The following EPHA6 variants were observed in gnomAD, a reference collection of about 807,000 sequenced individuals.
EPHA6 encodes the protein EPH receptor A6, also known as ephrin type-A receptor 6.
A neutral mutation model predicts 112.0 loss-of-function variants in EPHA6; 50 were observed. The ratio of observed to expected loss-of-function variants is 0.45; its 90% confidence interval spans 0.36 to 0.56. EPHA6 has a LOEUF of 0.56. EPHA6 is among the 20% of genes least tolerant of loss of function. EPHA6 has a pLI of 0.00. For synonymous variants in EPHA6, 529 were observed against 490.7 expected (o/e 1.08, Z -1.03); for missense variants, 1,280 against 1,417.4 (o/e 0.90, Z 1.56).
Position 97,244,095 on chromosome 3 carries a change from C to T in EPHA6, c.1414C>T (p.Gln472Ter). Residue 472 changes from glutamine (Q) to a stop codon, truncating the protein, a stop_gained, in exon 5 of 18, where the codon CAG becomes TAG. Coordinates refer to ENST00000389672, the MANE Select transcript of EPHA6 (RefSeq NM_001080448.3). LOFTEE classifies it high-confidence loss of function. Reference sequence around the variant, plus strand: ...TAAGAAATGTGGCTTAGACACCAGCCAGTGTGAGGACTGTGGTGGAGGACT... The same window carrying T: ...TAAGAAATGTGGCTTAGACACCAGCTAGTGTGAGGACTGTGGTGGAGGACT... Reference protein sequence around the residue: ...ICKKCGLDTSQCEDCGGGLRF... With the variant: ...ICKKCGLDTS 1 of 1,612,948 alleles carries T rather than the reference C, an allele frequency of 6.2e-7. No individual in the cohort carries two copies. The highest frequency in any genetic ancestry group is 8.5e-7 in the Non-Finnish European group (1 of 1,179,300).
intron 6 of EPHA6, among the ~76,000 whole-genome samples, chr3:97,409,989 G>T (rs930867436): frequency 6.6e-6 from 1 of 151,978 alleles, no homozygotes; most frequent in Non-Finnish European, 1.5e-5. Context: ...AAATAATGTT[G>T]TGACACTGAG....
intron 3 of EPHA6, among the ~76,000 whole-genome samples, chr3:97,206,291 A>G (rs1188681766): frequency 2.0e-5 from 3 of 151,998 alleles, no homozygotes; most frequent in African/African-American, 4.8e-5. Flanking sequence ...TAAATTTGGT[A>G]TACTGTCAAC....
At chr3:97,299,224 T>TGTGTGTGTGTGTGTAGTGGGGA (rs1278354367) in intron 5 of EPHA6, among the ~76,000 whole-genome samples, 5 of 150,996 alleles carry the variant, frequency 3.3e-5, no homozygotes, top group African/African-American at 1.2e-4. Context: ...GGGGGGAGTG[T>TGTGTGTGTGTGTGTAGTGGGGA]GTGTGTGTGT....
chr3:97,606,026 G>A (rs1382103845), intron 12 of EPHA6: 1 of 151,312 alleles, frequency 6.6e-6, no homozygotes, highest in African/African-American at 2.4e-5. Context: ...TAGAAATTAA[G>A]GTAAAGAAGA....
intron 2 of EPHA6, among the ~76,000 whole-genome samples, chr3:96,965,401 C>A (rs1301231883): frequency 6.6e-6 from 1 of 152,040 alleles, no homozygotes; most frequent in Non-Finnish European, 1.5e-5. Flanking sequence ...TACTCTAGTG[C>A]TGTTTCAGTA....
At chr3:97,276,906 G>C (rs374994297) in intron 5 of EPHA6, among the ~76,000 whole-genome samples, 2 of 152,144 alleles carry the variant, frequency 1.3e-5, no homozygotes, top group Non-Finnish European at 2.9e-5. Context: ...CTGGGCAGGT[G>C]GGGGAGGGCT....
chr3:97,271,876 G>A (rs1038206158), intron 5 of EPHA6, among the ~76,000 whole-genome samples: 1 of 152,074 alleles, frequency 6.6e-6, no homozygotes, highest in Non-Finnish European at 1.5e-5. Context: ...GATTACTACA[G>A]TTTAAACAAA....
At chr3:97,626,451 G>A (rs1427873737) in intron 13 of EPHA6, among the ~76,000 whole-genome samples, 1 of 151,776 alleles carries the variant, frequency 6.6e-6, no homozygotes, top group Admixed American at 6.6e-5. Flanking sequence ...ATGGTTTGTA[G>A]AGCATGTACA....
chr3:97,471,033 G>C (rs1196127355), intron 7 of EPHA6, among the ~76,000 whole-genome samples: 1 of 151,660 alleles, frequency 6.6e-6, no homozygotes, highest in African/African-American at 2.4e-5. Flanking sequence ...TTCTGCTCAG[G>C]ATTGAAAAAA....
chr3:96,915,462 A>T (rs201507179), intron 2 of EPHA6, among the ~76,000 whole-genome samples: 1 of 152,138 alleles, frequency 6.6e-6, no homozygotes, highest in East Asian at 1.9e-4. Flanking sequence ...GATGAGCAGA[A>T]TAAATTCAAG....
At chr3:96,931,612 T>C (rs1303419220) in intron 2 of EPHA6, among the ~76,000 whole-genome samples, 1 of 152,246 alleles carries the variant, frequency 6.6e-6, no homozygotes, top group Non-Finnish European at 1.5e-5. Flanking sequence ...TCATCCAGAC[T>C]GTTTGCACTC....
At chr3:97,148,906 G>A (rs757556839) in intron 3 of EPHA6, among the ~76,000 whole-genome samples, 23 of 152,140 alleles carry the variant, frequency 1.5e-4, no homozygotes, top group Middle Eastern at 3.4e-3. Context: ...TTTCATTAAT[G>A]TTTTGCTGGA....
intron 10 of EPHA6, among the ~76,000 whole-genome samples, chr3:97,526,633 C>T (rs1489897688): frequency 6.6e-6 from 1 of 151,472 alleles, no homozygotes; most frequent in Non-Finnish European, 1.5e-5. Flanking sequence ...TCTAGCAGTT[C>T]CTTGCATGGT....
intron 12 of EPHA6, among the ~76,000 whole-genome samples, chr3:97,609,394 A>G (rs2093701681): frequency 6.6e-6 from 1 of 151,428 alleles, no homozygotes; most frequent in East Asian, 1.9e-4. Flanking sequence ...TAAGGTTTAA[A>G]ACCTGAATTT....
intron 2 of EPHA6, among the ~76,000 whole-genome samples, chr3:96,896,468 G>A (rs2038276044): frequency 6.6e-6 from 1 of 152,084 alleles, no homozygotes; most frequent in South Asian, 2.1e-4. Context: ...AAAAAGTCTG[G>A]ATTCAAGCAG....
chr3:97,044,024 A>G (rs141156679), intron 3 of EPHA6, among the ~76,000 whole-genome samples: 3 of 152,260 alleles, frequency 2.0e-5, no homozygotes, highest in African/African-American at 4.8e-5. Context: ...TATTTCTCCA[A>G]TGTATGGCCT....
At chr3:97,511,247 CT>C (rs1447277250) in intron 10 of EPHA6, among the ~76,000 whole-genome samples, 4 of 151,952 alleles carry the variant, frequency 2.6e-5, no homozygotes, top group Non-Finnish European at 4.4e-5. Flanking sequence ...ACTTCTGCAG[CT>C]AGCTCGGTGT....
rs553459241 is a variant in EPHA6, at chr3:97,105,277, A to G, written c.1114+117284A>G. 2.0e-5 allele frequency among the ~76,000 whole-genome samples: 3 copies of G among 152,010 alleles called. No homozygotes were observed. In the South Asian group the frequency reaches 6.2e-4, roughly 32 times the overall value. ...TTGATGTGGGCATTTATTGCTATAA[A>G]CGTCCCTCTTAACACTGTCTTAGCC... On this transcript the variant is annotated intron_variant, in intron 3 of 17. Transcript: ENST00000389672.
chr3:97,030,679 A>G (rs1366341039), intron 3 of EPHA6, among the ~76,000 whole-genome samples: 5 of 152,044 alleles, frequency 3.3e-5, no homozygotes, highest in African/African-American at 1.2e-4. Flanking sequence ...AATTTGTTTT[A>G]ATGAGGAGTT....
Sources: allele counts gnomAD v4.1 joint callset (sites outside exome capture counted in the v4.1 genomes callset), GRCh38; gene constraint gnomAD v4.1.1; transcripts MANE v1.5; gene names NCBI Gene and HGNC (gene_info 2026-07-23, HGNC 2026-07-21).